DMD: variants seen among roughly 807,000 people sequenced by gnomAD.
DMD encodes mutant dystrophin.
DMD carries 63 observed loss-of-function variants against 330.1 expected under a neutral mutation model. The ratio of observed to expected loss-of-function variants is 0.19; its 90% CI spans 0.16 to 0.24. The LOEUF is 0.24. DMD is among the 10% of genes least tolerant of loss of function. The pLI, the probability that DMD is intolerant of heterozygous loss-of-function variation, is 1.00. For synonymous variants in DMD, 1,223 were observed against 959.8 expected (o/e 1.27, Z -5.07); for missense variants, 3,344 against 2,684.1 (o/e 1.25, Z -5.43).
chrX:32,764,482 G>A (rs2072723358), intron 7 of DMD, among the ~76,000 whole-genome samples: 1 of 110,645 alleles, frequency 9.0e-6, no homozygotes, highest in South Asian at 3.8e-4. Flanking sequence ...GCTTCTAGAG[G>A]CCACCATTCT....
intron 64 of DMD, among the ~76,000 whole-genome samples, chrX:31,221,738 C>T (rs2046059483): frequency 8.9e-6 from 1 of 112,881 alleles, no homozygotes; most frequent in South Asian, 3.6e-4. Context: ...CCTTGTTAGA[C>T]TGTAAGTTCC....
At chrX:31,715,399 C>A (rs190312297) in intron 52 of DMD, among the ~76,000 whole-genome samples, 1,848 of 104,741 alleles carry the variant, frequency 0.018, 24 homozygotes, top group East Asian at 0.037. Flanking sequence ...AAAAATTAGC[C>A]GGGCATGGTG....
intron 28 of DMD, among the ~76,000 whole-genome samples, chrX:32,439,376 AAT>A (rs1476702692): frequency 4.5e-5 from 5 of 111,432 alleles, no homozygotes; most frequent in Non-Finnish European, 7.5e-5. Flanking sequence ...TAACCTGTAA[AAT>A]ACTTTAAAAG....
chrX:32,821,447 C>T (rs776009318), intron 5 of DMD, among the ~76,000 whole-genome samples: 962 of 70,816 alleles, frequency 0.014, 9 homozygotes, highest in Admixed American at 0.063. Flanking sequence ...ATTAGCCGGG[C>T]GTGGTGGGGG....
chrX:33,102,016 G>A (rs556471696), intron 1 of DMD, among the ~76,000 whole-genome samples: 2 of 111,750 alleles, frequency 1.8e-5, no homozygotes, highest in East Asian at 2.8e-4. Context: ...TCAAGTTGAC[G>A]TTATAAGTTC....
chrX:33,307,147 T>C lies in DMD; in HGVS notation c.7+32112A>G, dbSNP rs778265128. ...TAAAAGAGGAGAGAAGAATGCATGA[T>C]CATTGCAACTCGAGACAGATTTAGC... On this transcript the variant is annotated intron_variant, in intron 1 of 17. Coordinates refer to the DMD transcript ENST00000288447. Among the ~76,000 whole-genome samples the C allele has an allele frequency of 1.5e-3, 163 of 111,298 alleles. 1 individual carries two copies. The highest frequency in any genetic ancestry group is 4.8e-3 in the African/African-American group (147 of 30,643).
chrX:32,117,550 C>G (rs2146710742), intron 44 of DMD, among the ~76,000 whole-genome samples: 1 of 111,959 alleles, frequency 8.9e-6, no homozygotes, highest in Non-Finnish European at 1.9e-5. Flanking sequence ...AATCTTCTTA[C>G]TGCCATGCTC....
At chrX:31,331,016 G>A (rs936022806) in intron 61 of DMD, among the ~76,000 whole-genome samples, 4 of 112,060 alleles carry the variant, frequency 3.6e-5, no homozygotes, top group Non-Finnish European at 7.5e-5. Context: ...TTCAAAGATG[G>A]GCAGACTTTC....
intron 59 of DMD, among the ~76,000 whole-genome samples, chrX:31,477,263 G>A (rs1489930525): frequency 9.0e-6 from 1 of 111,188 alleles, no homozygotes; most frequent in Non-Finnish European, 1.9e-5. Flanking sequence ...GTGGCTAGGA[G>A]AAGAATCTAG....
At chrX:32,058,178 AT>A (rs1271445004) in intron 44 of DMD, among the ~76,000 whole-genome samples, 4 of 110,819 alleles carry the variant, frequency 3.6e-5, no homozygotes, top group Admixed American at 1.9e-4. Flanking sequence ...CTTCACAATA[AT>A]TTTTTTTGGA....
chrX:32,200,437 T>C (rs1217420126), intron 44 of DMD, among the ~76,000 whole-genome samples: 1 of 101,352 alleles, frequency 9.9e-6, no homozygotes, highest in Non-Finnish European at 2.0e-5. Context: ...ATGTGTGTAA[T>C]GCAAGCACAC....
At chrX:31,258,615 T>C (rs2050199244) in intron 63 of DMD, among the ~76,000 whole-genome samples, 1 of 111,740 alleles carries the variant, frequency 8.9e-6, no homozygotes, top group African/African-American at 3.3e-5. Flanking sequence ...AAAGAGAAAG[T>C]TTGCAATAAA....
chrX:31,630,100 T>G (rs1046610090), intron 54 of DMD, among the ~76,000 whole-genome samples: 2 of 112,145 alleles, frequency 1.8e-5, no homozygotes, highest in African/African-American at 6.5e-5. Flanking sequence ...TACCCTCTGC[T>G]TCCAGAGAAA....
chrX:32,390,723 T>C (rs769767328), intron 30 of DMD, among the ~76,000 whole-genome samples: 4 of 111,323 alleles, frequency 3.6e-5, no homozygotes, highest in Non-Finnish European at 7.5e-5. Context: ...TCTTGCTATG[T>C]GACCCAGCCT....
chrX:31,859,934 A>C lies in DMD; in HGVS notation c.7098+15254T>G, dbSNP rs180987560. On this transcript the variant is annotated intron_variant, in intron 48 of 78. Transcript: ENST00000357033. ...GTTTCTGCACCGCGTTCTGTCTGCC[A>C]ATCAAAGCCATCCCCTGGGCATTAT... Among the ~76,000 whole-genome samples the C allele has an allele frequency of 4.5e-5, 5 of 112,036 alleles. No individual in the cohort carries two copies. The East Asian group carries it at 1.1e-3, about 25-fold the overall frequency.
chrX:32,775,693 A>G (rs1455426555), intron 7 of DMD, among the ~76,000 whole-genome samples: 1 of 112,257 alleles, frequency 8.9e-6, no homozygotes, highest in Non-Finnish European at 1.9e-5. Flanking sequence ...CCACCAAACC[A>G]TTTTTCCCTT....
At chrX:31,147,632 C>T in intron 74 of DMD, 114 bp from the exon 75 acceptor site, 1 of 538,180 alleles carries the variant, frequency 1.9e-6, no homozygotes, top group East Asian at 3.7e-5. Flanking sequence ...ATAGATGCAT[C>T]TGACTGCCAC....
intron 47 of DMD, among the ~76,000 whole-genome samples, chrX:31,918,630 T>C (rs1180530345): frequency 9.0e-6 from 1 of 111,214 alleles, no homozygotes; most frequent in Non-Finnish European, 1.9e-5. Context: ...CATCTTTTTT[T>C]TTAATCTTTT....
chrX:31,530,329 T>C (rs894507392), intron 55 of DMD, among the ~76,000 whole-genome samples: 3 of 111,947 alleles, frequency 2.7e-5, no homozygotes, highest in African/African-American at 9.7e-5. Flanking sequence ...TATGGTATAT[T>C]ATACACATCA....
Sources: gnomAD v4.1 joint callset for allele counts (sites outside exome capture counted in the v4.1 genomes callset) on GRCh38, gnomAD v4.1.1 for gene constraint, MANE v1.5 for transcripts, NCBI Gene and HGNC (gene_info 2026-07-23, HGNC 2026-07-21) for gene names.